The following SLC25A21 variants were observed in gnomAD, a reference collection of about 807,000 sequenced individuals.
SLC25A21 encodes the protein solute carrier family 25 member 21, also known as mitochondrial 2-oxodicarboxylate carrier.
In SLC25A21, 47 loss-of-function variants were observed where a neutral mutation model predicts 43.8. That is an observed-to-expected ratio of 1.07 (90% CI 0.85 to 1.37). The LOEUF is 1.37. Among genes scored for constraint, SLC25A21 ranks in the 40% most tolerant of loss-of-function variants. The pLI, the probability that SLC25A21 is intolerant of heterozygous loss-of-function variation, is 0.00. For missense variants in SLC25A21, 352 were observed against 350.2 expected (o/e 1.00, Z -0.04); for synonymous variants, 131 against 121.3 (o/e 1.08, Z -0.52).
chr14:36,953,351 T>A lies in SLC25A21; in HGVS notation c.71-78347A>T, dbSNP rs982898422. On this transcript the variant is annotated intron_variant, in intron 1 of 9. Transcript: ENST00000331299. ...CATTGTTTATAACATAAAGATGGCA[T>A]AAACAGATGATATTAATAAAATTTA... 4.8e-4 allele frequency among the ~76,000 whole-genome samples: 73 copies of A among 152,180 alleles called. 1 individual carries two copies. Among genetic ancestry groups the A allele is most frequent in the Admixed American group, 1.5e-3 (23 of 15,274 alleles).
chr14:36,826,241 A>C (rs886293834), intron 2 of SLC25A21, among the ~76,000 whole-genome samples: 1 of 152,084 alleles, frequency 6.6e-6, no homozygotes, highest in Non-Finnish European at 1.5e-5. Context: ...AGCCCAATGT[A>C]GCATTTTTGG....
At position 36,825,129 on chromosome 14, in the gene SLC25A21, T is replaced by C. The variant is rs377529826; in HGVS notation, c.120-11128A>G. Among the ~76,000 whole-genome samples, 12 of 152,184 alleles carry C rather than the reference T, an allele frequency of 7.9e-5. No individual in the cohort carries two copies. In the South Asian group the frequency reaches 8.3e-4, roughly 10 times the overall value. ...TGGACAACAACAACAATAAAAGATCTGTCTATATTCATCTATTCCATGGGG... is the reference window on the plus strand; with the variant it reads ...TGGACAACAACAACAATAAAAGATCCGTCTATATTCATCTATTCCATGGGG... On this transcript the variant is annotated intron_variant, in intron 2 of 9. Coordinates refer to ENST00000331299, the MANE Select transcript of SLC25A21 (RefSeq NM_030631.4).
At chr14:36,999,093 T>C (rs923418358) in intron 1 of SLC25A21, among the ~76,000 whole-genome samples, 3 of 152,074 alleles carry the variant, frequency 2.0e-5, no homozygotes, top group Non-Finnish European at 4.4e-5. Context: ...AAAACCTATA[T>C]GGGATGTTTA....
chr14:37,083,986 G>A (rs1057067316), intron 1 of SLC25A21, among the ~76,000 whole-genome samples: 3 of 152,186 alleles, frequency 2.0e-5, no homozygotes, highest in Non-Finnish European at 4.4e-5. Context: ...ATTCAACTCT[G>A]TGCCATATCC....
chr14:36,809,619 C>A (rs1043300917), intron 3 of SLC25A21, among the ~76,000 whole-genome samples: 10 of 152,142 alleles, frequency 6.6e-5, no homozygotes, highest in Non-Finnish European at 1.0e-4. Flanking sequence ...TGAGGAATTG[C>A]ATCTCTAAGA....
intron 1 of SLC25A21, among the ~76,000 whole-genome samples, chr14:36,987,531 GATC>G (rs1481757565): frequency 4.5e-4 from 69 of 152,090 alleles, no homozygotes; most frequent in Non-Finnish European, 1.3e-4. Context: ...TCATAGCTGA[GATC>G]ATACCGTACA....
chr14:36,952,411 G>C (rs1455522344), intron 1 of SLC25A21: 1 of 152,192 alleles, frequency 6.6e-6, no homozygotes, highest in Non-Finnish European at 1.5e-5. Flanking sequence ...TTTGTGGGGA[G>C]GAAGTCATTT....
intron 1 of SLC25A21, among the ~76,000 whole-genome samples, chr14:37,119,907 G>A (rs1319826922): frequency 4.6e-5 from 7 of 152,114 alleles, no homozygotes; most frequent in Admixed American, 4.6e-4. Flanking sequence ...TAAAGATAAA[G>A]GTGAAAATGA....
chr14:37,021,749 C>T (rs185863088), intron 1 of SLC25A21, among the ~76,000 whole-genome samples: 243 of 152,050 alleles, frequency 1.6e-3, no homozygotes, highest in Non-Finnish European at 2.5e-3. Flanking sequence ...GAGCTTATAA[C>T]ACAATTTTTG....
chr14:36,920,670 A>G (rs1891956170), intron 1 of SLC25A21, among the ~76,000 whole-genome samples: 1 of 152,026 alleles, frequency 6.6e-6, no homozygotes. Context: ...CATTCTTGCA[A>G]TTTGGGTTTC....
chr14:36,730,999 G>C (rs1345636800), intron 4 of SLC25A21, among the ~76,000 whole-genome samples: 13 of 149,504 alleles, frequency 8.7e-5, no homozygotes, highest in Admixed American at 2.0e-4. Context: ...TCGAGATGGA[G>C]TCTCGCTCTG....
intron 2 of SLC25A21, among the ~76,000 whole-genome samples, chr14:36,852,084 CT>C (rs1447764696): frequency 1.3e-5 from 2 of 152,116 alleles, no homozygotes; most frequent in African/African-American, 4.8e-5. Context: ...CAGTTGTAGT[CT>C]TTAACTTCAA....
chr14:36,932,704 G>T (rs1463419656), intron 1 of SLC25A21, among the ~76,000 whole-genome samples: 1 of 151,602 alleles, frequency 6.6e-6, no homozygotes, highest in Admixed American at 6.6e-5. Context: ...AAACTTGATG[G>T]ACCTGAGAAT....
intron 1 of SLC25A21, among the ~76,000 whole-genome samples, chr14:37,145,149 G>A (rs948742612): frequency 3.3e-5 from 5 of 152,140 alleles, no homozygotes; most frequent in African/African-American, 1.2e-4. Flanking sequence ...GTAAGGCACA[G>A]AGATGTTAAG....
chr14:36,966,455 C>G (rs562537623), intron 1 of SLC25A21, among the ~76,000 whole-genome samples: 17 of 152,204 alleles, frequency 1.1e-4, no homozygotes, highest in African/African-American at 3.9e-4. Context: ...AGAGAAGAGC[C>G]CTTGTGTGTC....
chr14:37,122,522 G>T (rs1433211211), intron 1 of SLC25A21, among the ~76,000 whole-genome samples: 3 of 152,242 alleles, frequency 2.0e-5, no homozygotes, highest in Non-Finnish European at 1.5e-5. Context: ...GATGTAGACA[G>T]AATCATACAC....
intron 7 of SLC25A21, among the ~76,000 whole-genome samples, chr14:36,695,177 C>T (rs758456857): frequency 2.0e-4 from 30 of 152,238 alleles, no homozygotes; most frequent in South Asian, 1.0e-3. Flanking sequence ...AATCCTTTCC[C>T]CATTTCTTGT....
intron 2 of SLC25A21, among the ~76,000 whole-genome samples, chr14:36,868,065 A>T (rs778135281): frequency 1.3e-5 from 2 of 152,074 alleles, no homozygotes; most frequent in Non-Finnish European, 2.9e-5. Flanking sequence ...AGCTCCCCCA[A>T]AATGAAGCCT....
intron 1 of SLC25A21, among the ~76,000 whole-genome samples, chr14:37,165,769 T>C (rs1964019843): frequency 6.6e-6 from 1 of 152,104 alleles, no homozygotes; most frequent in East Asian, 1.9e-4. Context: ...AGAATGACCA[T>C]CTGAGTGGGC....
Sources: allele counts gnomAD v4.1 joint callset (sites outside exome capture counted in the v4.1 genomes callset), GRCh38; gene constraint gnomAD v4.1.1; transcripts MANE v1.5; gene names NCBI Gene and HGNC (gene_info 2026-07-23, HGNC 2026-07-21).